Variants in ZNF536 observed in about 807,000 individuals in gnomAD.
ZNF536 encodes the protein zinc finger protein 536.
Under a neutral mutation model 84.5 loss-of-function variants are expected in ZNF536, and 13 were observed. That is an observed-to-expected ratio of 0.15 (90% CI 0.10 to 0.24). The LOEUF is 0.24. Among genes scored for constraint, ZNF536 ranks in the 10% least tolerant of loss-of-function variants. The pLI is 1.00. For synonymous variants in ZNF536, 811 were observed against 742.5 expected, an observed-to-expected ratio of 1.09 and a Z score of -1.50; for missense variants, 1,536 against 1,747.5, an observed-to-expected ratio of 0.88 and a Z score of 2.16.
At chr19:30,437,575 G>A (rs543727032) in intron 1 of ZNF536, among the ~76,000 whole-genome samples, 1 of 152,192 alleles carries the variant, frequency 6.6e-6, no homozygotes, top group Admixed American at 6.5e-5. Flanking sequence ...CAGCACAGGG[G>A]TTTCCACACT....
intron 2 of ZNF536, among the ~76,000 whole-genome samples, chr19:30,472,710 G>A (rs1419383155): frequency 6.6e-6 from 1 of 152,112 alleles, no homozygotes; most frequent in East Asian, 1.9e-4. Context: ...AAATCATCAC[G>A]AATATATCTT....
upstream of ZNF536, among the ~76,000 whole-genome samples, chr19:30,227,580 G>A (rs1599797506): frequency 6.6e-6 from 1 of 152,222 alleles, no homozygotes; most frequent in East Asian, 1.9e-4. Flanking sequence ...GAGGTGTCCC[G>A]GCCTGCGGGG....
At chr19:30,362,042 C>T (rs888801720) in intron 3 of ZNF536, among the ~76,000 whole-genome samples, 1 of 149,228 alleles carries the variant, frequency 6.7e-6, no homozygotes, top group African/African-American at 2.5e-5. Flanking sequence ...TACTGTACTG[C>T]GGGTGTCTGT....
chr19:30,634,998 C>A (rs2049013720), intron 1 of ZNF536, among the ~76,000 whole-genome samples: 1 of 152,180 alleles, frequency 6.6e-6, no homozygotes, highest in East Asian at 1.9e-4. Context: ...TATTTTAATT[C>A]TGGTTACTGT....
intron 2 of ZNF536, among the ~76,000 whole-genome samples, chr19:30,475,183 C>T (rs558576510): frequency 2.1e-4 from 32 of 152,228 alleles, no homozygotes; most frequent in East Asian, 9.6e-4. Context: ...CAGGTTCAAG[C>T]GATTCTCCTG....
At chr19:30,380,766 C>A (rs1197340389) in intron 1 of ZNF536, among the ~76,000 whole-genome samples, 1 of 152,190 alleles carries the variant, frequency 6.6e-6, no homozygotes, top group Non-Finnish European at 1.5e-5. Flanking sequence ...AGACTCAGGT[C>A]TGGCTGCTTC....
intron 4 of ZNF536, among the ~76,000 whole-genome samples, chr19:30,551,205 G>A (rs529887634): frequency 2.6e-5 from 4 of 150,992 alleles, no homozygotes; most frequent in Admixed American, 6.6e-5. Context: ...AGGAATCCAT[G>A]CATCAGAAAA....
At chr19:30,634,784 A>G (rs16964473) in intron 1 of ZNF536, among the ~76,000 whole-genome samples, 73,425 of 151,510 alleles carry the variant, frequency 0.48, 18,059 homozygotes, top group Middle Eastern at 0.53. Context: ...TCGGGAGTGC[A>G]GCTCGTTATG....
At chr19:30,523,487 G>A (rs17313907) in intron 2 of ZNF536, among the ~76,000 whole-genome samples, 14,689 of 152,128 alleles carry the variant, frequency 0.097, 973 homozygotes, top group Non-Finnish European at 0.15. Flanking sequence ...TGGGGCTTTT[G>A]GACTGCAAAC....
intron 1 of ZNF536, among the ~76,000 whole-genome samples, chr19:30,708,242 T>C (rs902125145): frequency 1.3e-5 from 2 of 152,030 alleles, no homozygotes; most frequent in Non-Finnish European, 2.9e-5. Flanking sequence ...AAAGCCTGAA[T>C]AGAGAAGTGG....
chr19:30,245,051 C>G (rs1188629769), intron 1 of ZNF536, among the ~76,000 whole-genome samples: 1 of 152,172 alleles, frequency 6.6e-6, no homozygotes, highest in Non-Finnish European at 1.5e-5. Context: ...CCCATGCCAC[C>G]CCATCCACCA....
intron 2 of ZNF536, among the ~76,000 whole-genome samples, chr19:30,450,761 C>G (rs1027965175): frequency 2.6e-5 from 4 of 152,184 alleles, no homozygotes; most frequent in Admixed American, 6.5e-5. Flanking sequence ...AGATCATAGT[C>G]TGAGATTCCT....
chr19:30,619,913 T>C (rs2048420257), intron 1 of ZNF536, among the ~76,000 whole-genome samples: 1 of 152,186 alleles, frequency 6.6e-6, no homozygotes, highest in Non-Finnish European at 1.5e-5. Context: ...GACTTGATAT[T>C]TACATACATA....
intron 1 of ZNF536, among the ~76,000 whole-genome samples, chr19:30,435,484 A>C (rs546341667): frequency 1.3e-4 from 19 of 151,078 alleles, no homozygotes; most frequent in South Asian, 4.2e-4. Flanking sequence ...GCTGCTGCTG[A>C]TGATGACGAT....
At position 30,402,796 on chromosome 19, in the gene ZNF536, A is replaced by AATATATATAT. The variant is rs869301101; in HGVS notation, c.-3+30258_-3+30267dup. ...TTTTAAACATTTTTTAAAATTAAAAAATATATATATATATATATATATATA... is the reference window on the plus strand; with the variant it reads ...TTTTAAACATTTTTTAAAATTAAAAAATATATATATATATATATATATATATATATATATA... On this transcript the variant is annotated intron_variant, in intron 1 of 4. Coordinates refer to ENST00000355537, the MANE Select transcript of ZNF536 (RefSeq NM_014717.3). Among the ~76,000 whole-genome samples, 286 of 85,590 alleles carry AATATATATAT rather than the reference A, an allele frequency of 3.3e-3. 3 individuals are homozygous for AATATATATAT. Among genetic ancestry groups the AATATATATAT allele is most frequent in the Non-Finnish European group, 4.7e-3 (198 of 42,264 alleles). 56.2% of individuals were successfully genotyped at this position (85,590 alleles called of 152,430 possible).
chr19:30,323,856 C>A (rs1300946517), intron 2 of ZNF536, among the ~76,000 whole-genome samples: 1 of 152,190 alleles, frequency 6.6e-6, no homozygotes, highest in Non-Finnish European at 1.5e-5. Context: ...ATTTGTCCTG[C>A]TCCTCTGCTC....
At chr19:30,674,008 C>T (rs931207214) in intron 1 of ZNF536, among the ~76,000 whole-genome samples, 3 of 152,188 alleles carry the variant, frequency 2.0e-5, no homozygotes, top group African/African-American at 7.2e-5. Flanking sequence ...CCATTTGAAT[C>T]CTTCAGATGG....
intron 2 of ZNF536, among the ~76,000 whole-genome samples, chr19:30,326,791 C>CTTTT (rs869076590): frequency 0.045 from 2,270 of 50,802 alleles, 260 homozygotes; most frequent in East Asian, 0.094. Context: ...TTATAAAAAG[C>CTTTT]TTTTTTTTTT....
At chr19:30,368,202 A>G (rs568510955), upstream of ZNF536, among the ~76,000 whole-genome samples, 24 of 152,354 alleles carry the variant, frequency 1.6e-4, no homozygotes, top group African/African-American at 5.0e-4. Flanking sequence ...TGCAGCAGCT[A>G]CATGTTGATT....
Sources: allele counts gnomAD v4.1 joint callset (sites outside exome capture counted in the v4.1 genomes callset), GRCh38; gene constraint gnomAD v4.1.1; transcripts MANE v1.5; gene names NCBI Gene and HGNC (gene_info 2026-07-23, HGNC 2026-07-21).